The following EHD4 variants were observed in gnomAD, a reference collection of about 807,000 sequenced individuals.
The protein encoded by EHD4 is EH domain-containing protein 4.
EHD4 carries 37 observed loss-of-function variants against 51.0 expected under a neutral mutation model. That is an observed-to-expected ratio of 0.73 (90% CI 0.56 to 0.95). EHD4 has a LOEUF of 0.95. Ranked by LOEUF, EHD4 falls within the 40% of genes least tolerant of loss-of-function variation. The pLI, the probability that EHD4 is intolerant of heterozygous loss-of-function variation, is 0.00. For missense variants in EHD4, 632 were observed against 733.1 expected, an observed-to-expected ratio of 0.86 and a Z score of 1.59; for synonymous variants, 297 against 317.3, an observed-to-expected ratio of 0.94 and a Z score of 0.68.
At position 41,897,196 on chromosome 15, in the gene EHD4, T is replaced by C. The variant is rs939226034; in HGVS notation, c.*3449A>G. On this transcript the variant is annotated 3_prime_UTR_variant, in exon 6 of 6. Transcript: ENST00000220325. ...CCTGAGTAAACTCAGTGGTTTTCTG[T>C]CCTAAGCATGCTTGCCTGCTACATC... 2 of 152,226 alleles carry C rather than the reference T, an allele frequency of 1.3e-5. No homozygotes were observed. Among genetic ancestry groups the C allele is most frequent in the African/African-American group, 4.8e-5 (2 of 41,454 alleles). The allele number at this position is 152,226 out of a possible 1,614,324, so 9.4% of individuals were successfully genotyped here.
intron 3 of EHD4, among the ~76,000 whole-genome samples, chr15:41,931,680 CTTTT>C (rs1175401028): frequency 7.0e-6 from 1 of 143,042 alleles, no homozygotes; most frequent in South Asian, 2.2e-4. Flanking sequence ...TCAGCAATTT[CTTTT>C]TTTTTTTTTT....
At chr15:41,922,098 T>C (rs1481536554) in intron 3 of EHD4, among the ~76,000 whole-genome samples, 1 of 152,138 alleles carries the variant, frequency 6.6e-6, no homozygotes, top group Admixed American at 6.5e-5. Context: ...CTATTGAAAG[T>C]GATGATAAGG....
At chr15:41,972,096 C>T (rs977929886) in intron 1 of EHD4, among the ~76,000 whole-genome samples, 163 bp downstream of exon 1, 1 of 151,746 alleles carries the variant, frequency 6.6e-6, no homozygotes, top group Non-Finnish European at 1.5e-5. Context: ...GCGCGCGGGG[C>T]TGGCCAGCCG....
intron 2 of EHD4, among the ~76,000 whole-genome samples, chr15:41,951,083 T>C (rs771313004): frequency 6.6e-6 from 1 of 152,122 alleles, no homozygotes; most frequent in Non-Finnish European, 1.5e-5. Flanking sequence ...CCAAACATCA[T>C]ACTATTGGTC....
intron 3 of EHD4, among the ~76,000 whole-genome samples, chr15:41,930,014 A>G (rs1161047886): frequency 6.6e-6 from 1 of 152,164 alleles, no homozygotes; most frequent in East Asian, 1.9e-4. Context: ...TACTGGATTC[A>G]TGTGCTATAT....
At chr15:41,907,062 G>T (rs2067517405) in intron 5 of EHD4, among the ~76,000 whole-genome samples, 1 of 152,092 alleles carries the variant, frequency 6.6e-6, no homozygotes, top group Non-Finnish European at 1.5e-5. Context: ...GTCATGAGTA[G>T]CTCTGGTCCC....
chr15:41,937,783 AT>A (rs1349207529), intron 3 of EHD4, among the ~76,000 whole-genome samples: 1 of 151,724 alleles, frequency 6.6e-6, no homozygotes, highest in East Asian at 1.9e-4. Flanking sequence ...TGCCTTTTTC[AT>A]TTTTTTCTGC....
chr15:41,960,411 G>C (rs1008193586), intron 1 of EHD4, among the ~76,000 whole-genome samples: 2 of 151,974 alleles, frequency 1.3e-5, no homozygotes, highest in African/African-American at 2.4e-5. Context: ...AAACAATTTT[G>C]CATCTTGATT....
chr15:41,906,529 C>T (rs779593676), intron 5 of EHD4, among the ~76,000 whole-genome samples: 9 of 152,200 alleles, frequency 5.9e-5, no homozygotes, highest in African/African-American at 1.7e-4. Flanking sequence ...AACGCAGGTA[C>T]CCAGAAAGGC....
chr15:41,899,978 G>C lies in EHD4; in HGVS notation c.*667C>G, dbSNP rs1296041508. The C allele has an allele frequency of 6.6e-6, 1 of 152,506 alleles. No individual in the cohort carries two copies. The highest frequency in any genetic ancestry group is 1.5e-5 in the Non-Finnish European group (1 of 68,044). 9.4% of individuals were successfully genotyped at this position (152,506 alleles called of 1,614,324 possible). A position where few individuals can be genotyped will look rare whatever the true frequency, so the allele number is the denominator to read the frequency against. ...GAAGGGAGGTTGGGAGGGCTGACCA[G>C]ATGGTCATCGGGGCACTGGGATGGA... On this transcript the variant is annotated 3_prime_UTR_variant, in exon 6 of 6. Transcript: ENST00000220325.
intron 2 of EHD4, among the ~76,000 whole-genome samples, chr15:41,945,137 G>A (rs983733547): frequency 4.5e-4 from 68 of 152,296 alleles, no homozygotes; most frequent in African/African-American, 1.5e-3. Flanking sequence ...CAGATGGCCC[G>A]AGACATCTGG....
intron 1 of EHD4, among the ~76,000 whole-genome samples, chr15:41,965,659 C>T (rs1188709861): frequency 6.6e-6 from 1 of 152,218 alleles, no homozygotes; most frequent in African/African-American, 2.4e-5. Context: ...GTCAAAAGGC[C>T]TCCAAGTGAT....
chr15:41,906,611 A>G (rs746975252), intron 5 of EHD4, among the ~76,000 whole-genome samples: 5 of 152,214 alleles, frequency 3.3e-5, no homozygotes, highest in Admixed American at 6.5e-5. Context: ...GGTGGGGTCG[A>G]GCTGGACCGG....
At chr15:41,966,410 T>C (rs188529328) in intron 1 of EHD4, among the ~76,000 whole-genome samples, 4 of 152,292 alleles carry the variant, frequency 2.6e-5, no homozygotes, top group Non-Finnish European at 5.9e-5. Flanking sequence ...CCCCTTTTCT[T>C]GGTAGCAGCA....
At chr15:41,939,618 G>A (rs1270058095) in intron 3 of EHD4, among the ~76,000 whole-genome samples, 1 of 151,482 alleles carries the variant, frequency 6.6e-6, no homozygotes, top group African/African-American at 2.4e-5. Flanking sequence ...GAATCAATAT[G>A]GTGAAACCCC....
intron 1 of EHD4, among the ~76,000 whole-genome samples, chr15:41,971,128 A>G (rs961687930): frequency 1.3e-5 from 2 of 152,238 alleles, no homozygotes; most frequent in Non-Finnish European, 2.9e-5. Context: ...TGGATTTAAC[A>G]TATTTCCTGT....
At chr15:41,931,373 C>T (rs1280239617) in intron 3 of EHD4, among the ~76,000 whole-genome samples, 1 of 151,942 alleles carries the variant, frequency 6.6e-6, no homozygotes, top group Non-Finnish European at 1.5e-5. Flanking sequence ...ATTAGCTGGG[C>T]ATGGTGGTGC....
intron 3 of EHD4, chr15:41,928,385 A>T (rs910685850): frequency 2.6e-5 from 4 of 152,112 alleles, no homozygotes; most frequent in African/African-American, 9.7e-5. Context: ...TAAGTATCCG[A>T]CCCAAGGCAC....
At chr15:41,919,654 C>A in intron 3 of EHD4, 32 bp from the exon 4 acceptor site, 1 of 1,495,002 alleles carries the variant, frequency 6.7e-7, no homozygotes, top group South Asian at 1.4e-5. Flanking sequence ...TCAGTGTAGC[C>A]ACTGCTGCAG....
Sources: allele counts gnomAD v4.1 joint callset (sites outside exome capture counted in the v4.1 genomes callset), GRCh38; gene constraint gnomAD v4.1.1; transcripts MANE v1.5; gene names NCBI Gene and HGNC (gene_info 2026-07-23, HGNC 2026-07-21).